RNF220: variants seen among roughly 807,000 people sequenced by gnomAD.
RNF220 encodes E3 ubiquitin-protein ligase RNF220.
RNF220 carries 7 observed loss-of-function variants against 67.1 expected under a neutral mutation model. The ratio of observed to expected loss-of-function variants is 0.10; its 90% CI spans 0.06 to 0.20. The LOEUF (loss-of-function observed/expected upper bound fraction) is 0.20, where lower values mean the gene tolerates loss of function less well. Ranked by LOEUF, RNF220 falls within the 10% of genes least tolerant of loss-of-function variation. RNF220 has a pLI of 1.00. For synonymous variants in RNF220, 270 were observed against 283.2 expected (o/e 0.95, Z 0.47); for missense variants, 565 against 740.3 (o/e 0.76, Z 2.75).
chr1:44,454,656 GTT>G (rs200541444), intron 2 of RNF220, among the ~76,000 whole-genome samples: 10 of 142,614 alleles, frequency 7.0e-5, no homozygotes, highest in African/African-American at 2.6e-5. Flanking sequence ...ATTTTGGTGG[GTT>G]TTTTTTTTTA....
At position 44,533,486 on chromosome 1, in the gene RNF220, C is replaced by T. The variant is rs184503793; in HGVS notation, c.626-80679C>T. ...TGGGCAACAGAGTGAGACCCCGTCT[C>T]AGAAAAAATAAAAGAAAAAGAAATA... On this transcript the variant is annotated intron_variant, in intron 2 of 14. Transcript: ENST00000361799. 4.8e-4 allele frequency among the ~76,000 whole-genome samples: 73 copies of T among 152,192 alleles called. No individual in the cohort carries two copies. The Middle Eastern group carries it at 0.01, about 21-fold the overall frequency.
intron 2 of RNF220, among the ~76,000 whole-genome samples, chr1:44,486,593 A>G (rs1276582901): frequency 6.6e-6 from 1 of 152,196 alleles, no homozygotes; most frequent in Non-Finnish European, 1.5e-5. Flanking sequence ...TGGTTAGGAA[A>G]AATAAGCATC....
At chr1:44,623,438 T>A (rs1403629058) in intron 4 of RNF220, among the ~76,000 whole-genome samples, 1 of 152,218 alleles carries the variant, frequency 6.6e-6, no homozygotes, top group Non-Finnish European at 1.5e-5. Context: ...CAAGAACTCC[T>A]CAAAGATGGC....
intron 2 of RNF220, among the ~76,000 whole-genome samples, chr1:44,596,955 C>T (rs1666542096): frequency 6.6e-6 from 1 of 152,148 alleles, no homozygotes; most frequent in Non-Finnish European, 1.5e-5. Context: ...TACTATGGCT[C>T]AGCTGTGATT....
At chr1:44,408,708 G>T (rs1344896718) in intron 1 of RNF220, 1 of 152,232 alleles carries the variant, frequency 6.6e-6, no homozygotes, top group Non-Finnish European at 1.5e-5. Flanking sequence ...GTCACCTGTT[G>T]TAATAAGCAG....
intron 2 of RNF220, among the ~76,000 whole-genome samples, chr1:44,437,502 A>G (rs1001514178): frequency 1.1e-4 from 16 of 152,214 alleles, no homozygotes; most frequent in African/African-American, 3.4e-4. Context: ...AACCCTGTAA[A>G]TGCTCAGTAG....
chr1:44,522,023 A>G (rs754515210), intron 2 of RNF220, among the ~76,000 whole-genome samples: 3 of 152,228 alleles, frequency 2.0e-5, no homozygotes. Context: ...GCTATGCATG[A>G]AACAACAAAG....
At chr1:44,410,459 T>C (rs933790432) in intron 1 of RNF220, 1 of 152,232 alleles carries the variant, frequency 6.6e-6, no homozygotes, top group Non-Finnish European at 1.5e-5. Flanking sequence ...AATCCGTTAA[T>C]GTGAGATACA....
chr1:44,638,954 TG>T (rs2148491982), intron 8 of RNF220, among the ~76,000 whole-genome samples: 1 of 152,326 alleles, frequency 6.6e-6, no homozygotes, highest in South Asian at 2.1e-4. Context: ...ATACTTAAGC[TG>T]TGTGTCTAAG....
intron 2 of RNF220, among the ~76,000 whole-genome samples, chr1:44,504,511 C>T (rs1445161262): frequency 6.6e-6 from 1 of 151,836 alleles, no homozygotes; most frequent in Non-Finnish European, 1.5e-5. Flanking sequence ...TGGCAGGTCC[C>T]TTTGAGAGTC....
chr1:44,535,707 A>G (rs1661168247), intron 2 of RNF220, among the ~76,000 whole-genome samples: 2 of 152,202 alleles, frequency 1.3e-5, no homozygotes, highest in Non-Finnish European at 2.9e-5. Context: ...CTGACCCGCC[A>G]TCCTTCTGCG....
intron 2 of RNF220, among the ~76,000 whole-genome samples, chr1:44,570,839 C>T (rs1268222215): frequency 6.6e-6 from 1 of 152,112 alleles, no homozygotes; most frequent in African/African-American, 2.4e-5. Flanking sequence ...TTTGGAAGGT[C>T]AAGGCGGGTA....
chr1:44,645,175 CCCG>C lies in RNF220; in HGVS notation c.1311-43_1311-41del. ...AGTACTGACCCTCAGGGCTGTCCTG[CCCG>C]CCTTCAGGCCTCACTTTGTTTTTCC... is the stretch of plus-strand genomic sequence containing the variant. On this transcript the variant is annotated intron_variant, in intron 10 of 14. Transcript: ENST00000361799. The surrounding 1 kb of genome is among the most constrained non-coding windows in gnomAD (Gnocchi z 5.0). The C allele has an allele frequency of 6.2e-7, 1 of 1,613,740 alleles. No individual in the cohort carries two copies. Among genetic ancestry groups the C allele is most frequent in the Non-Finnish European group, 8.5e-7 (1 of 1,179,644 alleles).
chr1:44,489,024 C>T (rs1419103043), intron 2 of RNF220, among the ~76,000 whole-genome samples: 1 of 152,186 alleles, frequency 6.6e-6, no homozygotes, highest in African/African-American at 2.4e-5. Context: ...AGCCACCACT[C>T]CTGGCTCTAT....
intron 2 of RNF220, among the ~76,000 whole-genome samples, chr1:44,521,876 GTGAATGAA>G (rs144215370): frequency 0.15 from 22,768 of 151,862 alleles, 2,129 homozygotes; most frequent in Admixed American, 0.21. Context: ...GAATGAATGA[GTGAATGAA>G]TGAATGAATG....
intron 2 of RNF220, among the ~76,000 whole-genome samples, chr1:44,465,217 A>G (rs1654162204): frequency 6.6e-6 from 1 of 152,100 alleles, no homozygotes; most frequent in South Asian, 2.1e-4. Context: ...ACACAGCTCA[A>G]ACCCTCCCAC....
At chr1:44,602,299 A>G (rs1003812255) in intron 2 of RNF220, among the ~76,000 whole-genome samples, 1 of 152,132 alleles carries the variant, frequency 6.6e-6, no homozygotes, top group African/African-American at 2.4e-5. Context: ...AAGAGTCCAG[A>G]GGGTGGAGAA....
chr1:44,590,104 G>T (rs1016598608), intron 2 of RNF220, among the ~76,000 whole-genome samples: 6 of 152,194 alleles, frequency 3.9e-5, no homozygotes, highest in African/African-American at 1.4e-4. Context: ...GCTGGCCCAG[G>T]TATGGTCTTC....
intron 2 of RNF220, among the ~76,000 whole-genome samples, chr1:44,441,005 C>T (rs1651490009): frequency 6.6e-6 from 1 of 152,192 alleles, no homozygotes; most frequent in Non-Finnish European, 1.5e-5. Flanking sequence ...TGCGGAGTCC[C>T]ATGTGAAGCC....
Sources: gnomAD v4.1 joint callset for allele counts (sites outside exome capture counted in the v4.1 genomes callset) on GRCh38, gnomAD v4.1.1 for gene constraint, Gnocchi (gnomAD v3.1) non-coding constraint, MANE v1.5 for transcripts, NCBI Gene and HGNC (gene_info 2026-07-23, HGNC 2026-07-21) for gene names.